The following EXD2 variants were observed in gnomAD, a reference collection of about 807,000 sequenced individuals.
EXD2 encodes exonuclease 3'-5' domain containing 2.
In EXD2, 40 loss-of-function variants were observed where a neutral mutation model predicts 62.5. The ratio of observed to expected loss-of-function variants is 0.64; its 90% CI spans 0.50 to 0.83. The LOEUF is 0.83. Ranked by LOEUF, EXD2 falls within the 40% of genes least tolerant of loss-of-function variation. The pLI is 0.00. For synonymous variants in EXD2, 239 were observed against 291.9 expected, an observed-to-expected ratio of 0.82 and a Z score of 1.85; for missense variants, 671 against 761.8, an observed-to-expected ratio of 0.88 and a Z score of 1.40.
At chr14:69,223,397 C>A (rs1252262544) in intron 3 of EXD2, among the ~76,000 whole-genome samples, 1 of 152,142 alleles carries the variant, frequency 6.6e-6, no homozygotes, top group Non-Finnish European at 1.5e-5. Flanking sequence ...AGATTAAAAT[C>A]AGTGAGACAT....
chr14:69,235,125 G>GT, intron 6 of EXD2, 94 bp downstream of exon 6: 1 of 1,160,904 alleles, frequency 8.6e-7, no homozygotes, highest in Non-Finnish European at 1.2e-6. Context: ...AAGGCTTGTA[G>GT]TAGGGGAGCA....
At chr14:69,211,619 A>G (rs1394486342) in intron 3 of EXD2, among the ~76,000 whole-genome samples, 2 of 151,884 alleles carry the variant, frequency 1.3e-5, no homozygotes. Flanking sequence ...GTTTATACCA[A>G]TGACCTTGGG....
At chr14:69,196,807 G>A (rs1242260248) in intron 1 of EXD2, among the ~76,000 whole-genome samples, 1 of 141,808 alleles carries the variant, frequency 7.1e-6, no homozygotes, top group East Asian at 2.0e-4. Flanking sequence ...TTTTTTTTTT[G>A]AGGCAGGGTC....
chr14:69,236,522 C>A lies in EXD2; in HGVS notation c.1272C>A (p.Gly424=), dbSNP rs1256944921. The change falls in exon 8 of 10, where the codon GGC becomes GGA. Residue 424 remains glycine, a synonymous_variant. Transcript: ENST00000685843. The stretch of plus-strand genomic sequence containing the variant: ...AAGAGAACCTGTGTGTAGTGTGTGG[C>A]AAGAGAGACTCCTACATTCGGTGAG... ...MVKENLCVVC[G]KRDSYIRKNV... The A allele has an allele frequency of 1.2e-6, 2 of 1,614,018 alleles. No individual in the cohort carries two copies. Among genetic ancestry groups the A allele is most frequent in the African/African-American group, 2.7e-5 (2 of 74,896 alleles).
intron 3 of EXD2, chr14:69,227,886 A>C (rs2140300969): frequency 6.6e-6 from 1 of 152,100 alleles, no homozygotes; most frequent in South Asian, 2.1e-4. Context: ...AGTTTTTTGT[A>C]TCTTTTAAGA....
intron 7 of EXD2, 27 bp downstream of exon 7, chr14:69,236,179 T>C: frequency 6.3e-7 from 1 of 1,591,478 alleles, no homozygotes; most frequent in Non-Finnish European, 8.6e-7. Flanking sequence ...TCCTTGTTTA[T>C]CTCTAATTAG....
chr14:69,209,656 C>T lies in EXD2; in HGVS notation c.186C>T (p.His62=), dbSNP rs751529492. ...CCCCTCCAGAAGATGATCAGCTGCACTCCAGTGCCCCCAGATCCTCGTGGA... is the reference window on the plus strand; with the variant it reads ...CCCCTCCAGAAGATGATCAGCTGCATTCCAGTGCCCCCAGATCCTCGTGGA... ...ELPPPEDDQL[H]SSAPRSSWKE... The change falls in exon 3 of 10, where the codon CAC becomes CAT. Residue 62 remains histidine, a synonymous_variant. Coordinates refer to ENST00000685843, the MANE Select transcript of EXD2 (RefSeq NM_001193360.2). The T allele has an allele frequency of 4.5e-6, 7 of 1,550,536 alleles. No homozygotes were observed. The highest frequency in any genetic ancestry group is 2.4e-5 in the East Asian group (1 of 40,902).
In EXD2 at chr14:69,209,585, G is replaced by A; in HGVS notation, c.115G>A (p.Val39Met). 6.4e-7 allele frequency: 1 copy of A among 1,550,532 alleles called. No individual in the cohort carries two copies. The highest frequency in any genetic ancestry group is 8.7e-7 in the Non-Finnish European group (1 of 1,146,976). The change falls in exon 3 of 10, where the codon GTG becomes ATG. Residue 39 changes from valine (V) to methionine (M), a missense_variant. Transcript: ENST00000685843. ...CCGCCGAAGGAGTAAAACGAGTCCTGTGACCCAACAGCCACAGCAGAAAGT... is the reference window on the plus strand; with the variant it reads ...CCGCCGAAGGAGTAAAACGAGTCCTATGACCCAACAGCCACAGCAGAAAGT... ...QRRRRSKTSP[V>M]TQQPQQKVLG...
At chr14:69,227,835 A>G (rs1401436337) in intron 3 of EXD2, 1 of 152,210 alleles carries the variant, frequency 6.6e-6, no homozygotes, top group East Asian at 1.9e-4. Flanking sequence ...CTCCATCTAA[A>G]AAAAAGAAAA....
At chr14:69,208,598 G>A (rs1317127853) in intron 2 of EXD2, among the ~76,000 whole-genome samples, 1 of 152,108 alleles carries the variant, frequency 6.6e-6, no homozygotes, top group African/African-American at 2.4e-5. Context: ...CTCACATATA[G>A]GAAAACAGAA....
chr14:69,228,285 G>A (rs527451863), intron 3 of EXD2, among the ~76,000 whole-genome samples: 24 of 149,536 alleles, frequency 1.6e-4, no homozygotes, highest in Admixed American at 5.4e-4. Flanking sequence ...TCTGCCTCCC[G>A]GGTTCAAGCA....
At chr14:69,205,381 A>G (rs986047918) in intron 2 of EXD2, among the ~76,000 whole-genome samples, 2 of 152,080 alleles carry the variant, frequency 1.3e-5, no homozygotes, top group Non-Finnish European at 2.9e-5. Context: ...TTATCTGTCT[A>G]CTACATTCTG....
At position 69,236,127 on chromosome 14, in the gene EXD2, G is replaced by A; in HGVS notation, c.1131G>A (p.Gln377=). The change falls in exon 7 of 10, where the codon CAG becomes CAA. Residue 377 remains glutamine, a synonymous_variant. Transcript: ENST00000685843. ...PLCTCDRRKA[Q]WYLDKGIGEL... is the part of the protein sequence containing the mutation. ...GCACTTGTGATAGAAGAAAAGCTCA[G>A]TGGTACCTGGACAAAGGCATTGGTG... The A allele has an allele frequency of 6.2e-7, 1 of 1,614,108 alleles. No individual in the cohort carries two copies. The highest frequency in any genetic ancestry group is 1.1e-5 in the South Asian group (1 of 91,074).
At chr14:69,197,307 G>A (rs1420129761) in intron 1 of EXD2, among the ~76,000 whole-genome samples, 3 of 151,810 alleles carry the variant, frequency 2.0e-5, no homozygotes, top group East Asian at 1.9e-4. Context: ...TTATTATTTG[G>A]TGGTAAGAGA....
intron 4 of EXD2, among the ~76,000 whole-genome samples, 156 bp downstream of exon 4, chr14:69,229,228 C>A (rs75350055): frequency 0.013 from 2,016 of 152,252 alleles, 41 homozygotes; most frequent in African/African-American, 0.047. Flanking sequence ...AGACATTCCA[C>A]CTTCTGTGAA....
At chr14:69,217,861 A>T (rs1426697864) in intron 3 of EXD2, among the ~76,000 whole-genome samples, 1 of 152,202 alleles carries the variant, frequency 6.6e-6, no homozygotes. Context: ...CCTACAAAGG[A>T]CATGAACTCA....
At chr14:69,201,462 T>C (rs1249062890) in intron 1 of EXD2, among the ~76,000 whole-genome samples, 2 of 152,066 alleles carry the variant, frequency 1.3e-5, no homozygotes. Context: ...CTACTGGGAT[T>C]ACAGGCATGA....
intron 1 of EXD2, among the ~76,000 whole-genome samples, chr14:69,202,904 C>T (rs371138235): frequency 4.6e-5 from 7 of 152,274 alleles, no homozygotes; most frequent in African/African-American, 1.7e-4. Flanking sequence ...GATTTGGCAT[C>T]AGTGAATTTT....
chr14:69,193,950 C>T (rs2042115297), intron 1 of EXD2, among the ~76,000 whole-genome samples: 2 of 152,202 alleles, frequency 1.3e-5, no homozygotes, highest in South Asian at 2.1e-4. Context: ...ATTTCACCAG[C>T]CAAAAATGTC....
Sources: allele counts gnomAD v4.1 joint callset (sites outside exome capture counted in the v4.1 genomes callset), GRCh38; gene constraint gnomAD v4.1.1; transcripts MANE v1.5; gene names NCBI Gene and HGNC (gene_info 2026-07-23, HGNC 2026-07-21).